TRPC4AP: variants seen among roughly 807,000 people sequenced by gnomAD.
TRPC4AP encodes short transient receptor potential channel 4-associated protein.
A neutral mutation model predicts 99.0 loss-of-function variants in TRPC4AP; 45 were observed. The observed-to-expected ratio is 0.45, with a 90% CI of 0.36 to 0.58. The LOEUF is 0.58. TRPC4AP is among the 20% of genes least tolerant of loss of function. TRPC4AP has a pLI of 0.00. For missense variants in TRPC4AP, 879 were observed against 985.3 expected (o/e 0.89, Z 1.44); for synonymous variants, 408 against 385.8 (o/e 1.06, Z -0.67).
chr20:35,089,992 C>T (rs996653382), intron 1 of TRPC4AP, among the ~76,000 whole-genome samples: 3 of 151,752 alleles, frequency 2.0e-5, no homozygotes, highest in East Asian at 1.9e-4. Flanking sequence ...TGGTGGCACA[C>T]GCCTGTAGTC....
chr20:35,007,428 G>GC, intron 14 of TRPC4AP, 122 bp downstream of exon 14: 1 of 1,008,474 alleles, frequency 9.9e-7, no homozygotes, highest in Non-Finnish European at 1.5e-6. Flanking sequence ...GCCTGCACAG[G>GC]CATTTGGAAG....
intron 5 of TRPC4AP, among the ~76,000 whole-genome samples, chr20:35,051,982 C>T (rs2083710260): frequency 6.6e-6 from 1 of 152,172 alleles, no homozygotes; most frequent in South Asian, 2.1e-4. Flanking sequence ...TCCTCTATAT[C>T]ACAAGTTCTT....
At chr20:35,079,728 T>C (rs1349986853) in intron 1 of TRPC4AP, among the ~76,000 whole-genome samples, 1 of 152,044 alleles carries the variant, frequency 6.6e-6, no homozygotes, top group Non-Finnish European at 1.5e-5. Flanking sequence ...CGAAGGATGA[T>C]AAAGGAGTAT....
At position 35,003,191 on chromosome 20, in the gene TRPC4AP, A is replaced by C. The variant is rs577156952; in HGVS notation, c.2349T>G (p.Ile783Met). ...TGTCTATGTCCATGTAGGGCTCCTC[A>C]ATGTAGCTAACGAGAGCAGAGGGTG... is the stretch of plus-strand genomic sequence containing the variant. ...RQSPSALVSY[I>M]EEPYMDIDRD... is the part of the protein sequence containing the mutation. The change falls in exon 19 of 19, where the codon ATT becomes ATG. Residue 783 changes from isoleucine to methionine, a missense_variant. By Grantham distance (10) the Ile-to-Met change is conservative. This residue lies in a region of TRPC4AP where 224 missense variants were observed against 264.7 expected (regional missense o/e 0.85). Coordinates refer to ENST00000252015, the MANE Select transcript of TRPC4AP (RefSeq NM_015638.3). 6.2e-7 allele frequency: 1 copy of C among 1,614,186 alleles called. No individual in the cohort carries two copies. Among genetic ancestry groups the C allele is most frequent in the African/African-American group, 1.3e-5 (1 of 75,048 alleles).
chr20:35,069,436 A>G, intron 2 of TRPC4AP, 24 bp from the exon 3 acceptor site: 1 of 1,477,008 alleles, frequency 6.8e-7, no homozygotes, highest in South Asian at 1.1e-5. Context: ...AAAAAAGTAC[A>G]TACATTGTTT....
At chr20:35,090,385 T>G (rs1425530412) in intron 1 of TRPC4AP, among the ~76,000 whole-genome samples, 1 of 140,914 alleles carries the variant, frequency 7.1e-6, no homozygotes, top group Non-Finnish European at 1.5e-5. Context: ...AGCTTTTTTT[T>G]TTTTTTTTTG....
chr20:35,067,622 C>T (rs2084177752), intron 3 of TRPC4AP, among the ~76,000 whole-genome samples: 2 of 152,136 alleles, frequency 1.3e-5, no homozygotes, highest in Admixed American at 6.5e-5. Context: ...AATCCAAATG[C>T]CTCTCAACAA....
At chr20:35,036,978 C>T (rs186559026) in intron 7 of TRPC4AP, among the ~76,000 whole-genome samples, 2 of 151,946 alleles carry the variant, frequency 1.3e-5, no homozygotes, top group Non-Finnish European at 2.9e-5. Context: ...CACACACACA[C>T]ACCCCTCCCA....
chr20:35,079,125 A>G (rs201736118), intron 1 of TRPC4AP, among the ~76,000 whole-genome samples: 37 of 152,340 alleles, frequency 2.4e-4, no homozygotes, highest in Admixed American at 3.9e-4. Flanking sequence ...TGGAGTAGTT[A>G]TATTAATTTC....
rs2147255846 is a variant in TRPC4AP at position 35,003,003 on chromosome 20, G to A, written c.*143C>T. ...ACCCAGGGGGACCAAGGGCTTCTAG[G>A]ACTTCCCTCCCACCAAGCCTGTACC... On this transcript the variant is annotated 3_prime_UTR_variant, in exon 19 of 19. Transcript: ENST00000252015. 1 of 1,208,972 alleles carries A rather than the reference G, an allele frequency of 8.3e-7. No homozygotes were observed. The highest frequency in any genetic ancestry group is 1.2e-6 in the Non-Finnish European group (1 of 867,606). The allele number at this position is 1,208,972 out of a possible 1,614,324, so 74.9% of individuals were successfully genotyped here.
chr20:35,012,459 A>G (rs2082660368), intron 11 of TRPC4AP, among the ~76,000 whole-genome samples: 2 of 152,230 alleles, frequency 1.3e-5, no homozygotes, highest in South Asian at 4.1e-4. Context: ...CCCAATGCCA[A>G]GGTCAAGGGT....
intron 7 of TRPC4AP, among the ~76,000 whole-genome samples, chr20:35,037,769 T>C (rs185250102): frequency 6.6e-6 from 1 of 152,172 alleles, no homozygotes; most frequent in Admixed American, 6.5e-5. Flanking sequence ...TAATACTGTA[T>C]TTTTACTATA....
intron 8 of TRPC4AP, among the ~76,000 whole-genome samples, chr20:35,025,199 G>A (rs1347735069): frequency 2.0e-5 from 3 of 152,126 alleles, no homozygotes; most frequent in East Asian, 3.9e-4. Context: ...TCATTGTGGG[G>A]TTTGTTTTTT....
intron 16 of TRPC4AP, 105 bp from the exon 17 acceptor site, chr20:35,004,675 G>A: frequency 1.2e-6 from 1 of 860,446 alleles, no homozygotes; most frequent in Non-Finnish European, 1.9e-6. Context: ...GAAGCTAGGA[G>A]CTCATCATCA....
At chr20:35,060,310 C>T (rs1012745866) in intron 3 of TRPC4AP, among the ~76,000 whole-genome samples, 6 of 152,056 alleles carry the variant, frequency 3.9e-5, no homozygotes, top group African/African-American at 9.7e-5. Context: ...TTATACTCCA[C>T]GCATGATGGC....
chr20:35,082,950 T>C (rs1544047), intron 1 of TRPC4AP, among the ~76,000 whole-genome samples: 60,247 of 151,978 alleles, frequency 0.4, 13,066 homozygotes, highest in East Asian at 0.59. Flanking sequence ...TGTTTAAGGT[T>C]TTTTCCCTCT....
intron 11 of TRPC4AP, among the ~76,000 whole-genome samples, chr20:35,010,572 C>A (rs2082611807): frequency 6.6e-6 from 1 of 151,032 alleles, no homozygotes; most frequent in Non-Finnish European, 1.5e-5. Flanking sequence ...TTTCTCTTTG[C>A]CTACATTTCC....
intron 10 of TRPC4AP, among the ~76,000 whole-genome samples, chr20:35,014,334 T>C (rs2082703631): frequency 6.7e-6 from 1 of 148,828 alleles, no homozygotes; most frequent in South Asian, 2.2e-4. Flanking sequence ...TTTTTTTTTT[T>C]TGAGACACAG....
chr20:35,022,790 G>A (rs2082925175), intron 8 of TRPC4AP, among the ~76,000 whole-genome samples: 1 of 152,200 alleles, frequency 6.6e-6, no homozygotes, highest in Non-Finnish European at 1.5e-5. Context: ...GGAGGCCGAG[G>A]CAGGTGGACT....
Sources: allele counts gnomAD v4.1 joint callset (sites outside exome capture counted in the v4.1 genomes callset), GRCh38; gene constraint gnomAD v4.1.1; regional missense constraint gnomAD v4.1.1; transcripts MANE v1.5; gene names NCBI Gene and HGNC (gene_info 2026-07-23, HGNC 2026-07-21).